The following WWOX variants were observed in gnomAD, a reference collection of about 807,000 sequenced individuals.
The protein encoded by WWOX is WW domain-containing oxidoreductase.
Under a neutral mutation model 46.2 loss-of-function variants are expected in WWOX, and 69 were observed. The observed-to-expected ratio is 1.49, with a 90% CI of 1.23 to 1.82. The LOEUF (loss-of-function observed/expected upper bound fraction) is 1.82. Among genes scored for constraint, WWOX ranks in the 40% most tolerant of loss-of-function variants. The pLI is 0.00. For missense variants in WWOX, 919 were observed against 542.6 expected (o/e 1.69, Z -6.89); for synonymous variants, 359 against 202.6 (o/e 1.77, Z -6.56).
chr16:78,748,416 G>A (rs983818440), intron 8 of WWOX, among the ~76,000 whole-genome samples: 2 of 152,074 alleles, frequency 1.3e-5, no homozygotes, highest in South Asian at 2.1e-4. Context: ...ATTTTTCCAC[G>A]CCAAGCCCTG....
In WWOX at chr16:78,786,925, A is replaced by G. The variant is rs2050471778; in HGVS notation, c.1056+354173A>G. Among the ~76,000 whole-genome samples, 10 of 152,330 alleles carry G rather than the reference A, an allele frequency of 6.6e-5. 1 individual carries two copies. The South Asian group carries it at 2.1e-3, about 32-fold the overall frequency. ...CACTTTGGGAGGCTGAGGTGGGTGG[A>G]TCACTTGGGGTGAAGAGTTAGAGAT... is the stretch of plus-strand genomic sequence containing the variant. On this transcript the variant is annotated intron_variant, in intron 8 of 8. Transcript: ENST00000566780.
intron 8 of WWOX, among the ~76,000 whole-genome samples, chr16:78,910,541 A>C (rs2045083219): frequency 6.6e-6 from 1 of 151,218 alleles, no homozygotes; most frequent in Admixed American, 6.6e-5. Flanking sequence ...ATGCTGTATG[A>C]GTCTTTTCTC....
At chr16:78,229,427 T>C (rs907214688) in intron 5 of WWOX, among the ~76,000 whole-genome samples, 1 of 150,304 alleles carries the variant, frequency 6.7e-6, no homozygotes, top group Non-Finnish European at 1.5e-5. Context: ...GATTAACTTA[T>C]ATCTGGTCCT....
At chr16:78,886,211 C>T (rs1009351642) in intron 8 of WWOX, among the ~76,000 whole-genome samples, 3 of 149,062 alleles carry the variant, frequency 2.0e-5, no homozygotes, top group Non-Finnish European at 4.5e-5. Flanking sequence ...AGGCATGAAC[C>T]ACTGCGCCTG....
intron 8 of WWOX, among the ~76,000 whole-genome samples, chr16:78,999,187 T>TCAGC: frequency 6.6e-6 from 1 of 151,434 alleles, no homozygotes; most frequent in East Asian, 1.9e-4. Context: ...GATGGCTGCA[T>TCAGC]CAGCCAGGGG....
chr16:78,554,922 A>G lies in WWOX; in HGVS notation c.1056+122170A>G, dbSNP rs540600584. 5.3e-5 allele frequency among the ~76,000 whole-genome samples: 8 copies of G among 152,248 alleles called. No homozygotes were observed. The East Asian group carries it at 1.2e-3, about 22-fold the overall frequency. On this transcript the variant is annotated intron_variant, in intron 8 of 8. Coordinates refer to ENST00000566780, the MANE Select transcript of WWOX (RefSeq NM_016373.4). The stretch of plus-strand genomic sequence containing the variant: ...CAAAGACTGTAAGCCTTACCCAAGC[A>G]TTAATTTTGCTGCATAGGCGGCCTG...
intron 8 of WWOX, among the ~76,000 whole-genome samples, chr16:78,539,279 G>A (rs935741056): frequency 1.3e-5 from 2 of 152,224 alleles, no homozygotes; most frequent in African/African-American, 4.8e-5. Flanking sequence ...ATCTGCGTGA[G>A]CCTTGTCCTA....
intron 8 of WWOX, among the ~76,000 whole-genome samples, chr16:79,076,704 C>A (rs1340554931): frequency 6.6e-6 from 1 of 152,240 alleles, no homozygotes; most frequent in African/African-American, 2.4e-5. Context: ...TTTAGCCCCC[C>A]ACTTAGGTGT....
intron 8 of WWOX, among the ~76,000 whole-genome samples, chr16:78,981,211 C>G (rs902201220): frequency 6.6e-6 from 1 of 152,098 alleles, no homozygotes; most frequent in Non-Finnish European, 1.5e-5. Flanking sequence ...GTGTTAGCAT[C>G]AGAAATGGCT....
At chr16:78,931,367 G>A (rs1260623845) in intron 8 of WWOX, among the ~76,000 whole-genome samples, 3 of 152,196 alleles carry the variant, frequency 2.0e-5, no homozygotes, top group African/African-American at 7.2e-5. Flanking sequence ...TACCTGCCCT[G>A]CTAAGGAAAT....
intron 8 of WWOX, among the ~76,000 whole-genome samples, chr16:78,748,285 T>A (rs2142441045): frequency 6.6e-6 from 1 of 152,342 alleles, no homozygotes; most frequent in African/African-American, 2.4e-5. Flanking sequence ...ATAAACATTT[T>A]AATCTACTAT....
At chr16:78,987,443 T>C (rs2046803989) in intron 8 of WWOX, among the ~76,000 whole-genome samples, 1 of 152,352 alleles carries the variant, frequency 6.6e-6, no homozygotes, top group Admixed American at 6.5e-5. Flanking sequence ...TTTTGTCCTT[T>C]TTTCTTTTTT....
intron 8 of WWOX, among the ~76,000 whole-genome samples, chr16:79,211,034 A>AGT (rs58334968): frequency 0.013 from 1,928 of 149,698 alleles, 18 homozygotes; most frequent in Admixed American, 0.03. Flanking sequence ...TATGGTGAGG[A>AGT]GTGTGTGTGT....
intron 8 of WWOX, among the ~76,000 whole-genome samples, chr16:79,047,672 A>ATT (rs71140858): frequency 0.036 from 1,931 of 53,390 alleles, 208 homozygotes; most frequent in South Asian, 0.051. Context: ...GACTGTCCTG[A>ATT]TTTTTTTTTT....
chr16:78,633,516 A>G (rs1268759696), intron 8 of WWOX, among the ~76,000 whole-genome samples: 1 of 152,254 alleles, frequency 6.6e-6, no homozygotes, highest in East Asian at 1.9e-4. Context: ...CGTGTTCTCT[A>G]GCTAACGCAT....
intron 8 of WWOX, among the ~76,000 whole-genome samples, chr16:79,005,481 T>G: frequency 6.6e-6 from 1 of 152,168 alleles, no homozygotes; most frequent in East Asian, 1.9e-4. Flanking sequence ...AATTTGCAAG[T>G]CGAGGTTTCG....
At chr16:78,281,614 A>T (rs1371491836) in intron 5 of WWOX, among the ~76,000 whole-genome samples, 1 of 152,200 alleles carries the variant, frequency 6.6e-6, no homozygotes, top group African/African-American at 2.4e-5. Flanking sequence ...GTGCGAAAAC[A>T]GGCATAAACG....
chr16:78,796,420 C>T (rs972639264), intron 8 of WWOX, among the ~76,000 whole-genome samples: 1 of 152,230 alleles, frequency 6.6e-6, no homozygotes, highest in African/African-American at 2.4e-5. Context: ...GTCACTTCCA[C>T]CTGCTTCCCA....
chr16:78,960,970 T>G (rs373671661), intron 8 of WWOX, among the ~76,000 whole-genome samples: 240 of 152,320 alleles, frequency 1.6e-3, no homozygotes, highest in African/African-American at 5.0e-3. Context: ...GAGAAGAATC[T>G]ATAATGTATT....
Sources: allele counts gnomAD v4.1 joint callset (sites outside exome capture counted in the v4.1 genomes callset), GRCh38; gene constraint gnomAD v4.1.1; transcripts MANE v1.5; gene names NCBI Gene and HGNC (gene_info 2026-07-23, HGNC 2026-07-21).